The following COQ8A variants were observed in gnomAD, a reference collection of about 807,000 sequenced individuals.
The protein encoded by COQ8A is coenzyme Q8A.
A neutral mutation model predicts 65.0 loss-of-function variants in COQ8A; 51 were observed. That is an observed-to-expected ratio of 0.78 (90% CI 0.63 to 0.99). The LOEUF is 0.99. COQ8A is among the 50% of genes least tolerant of loss of function. The pLI is 0.00. For missense variants in COQ8A, 940 were observed against 875.0 expected, an observed-to-expected ratio of 1.07 and a Z score of -0.94; for synonymous variants, 371 against 353.2, an observed-to-expected ratio of 1.05 and a Z score of -0.57.
intron 6 of COQ8A, 67 bp from the exon 7 acceptor site, chr1:226,982,611 C>T: frequency 6.5e-7 from 1 of 1,530,400 alleles, no homozygotes; most frequent in Non-Finnish European, 9.0e-7. Context: ...CAGGAGTGTG[C>T]CCGCCCAGGT....
intron 1 of COQ8A, among the ~76,000 whole-genome samples, chr1:226,944,798 T>C (rs1656929880): frequency 7.0e-6 from 1 of 143,274 alleles, no homozygotes; most frequent in African/African-American, 2.6e-5. Flanking sequence ...AGAGTGTGTG[T>C]GTATGTGTAG....
At chr1:226,964,576 C>T (rs1259074156) in intron 2 of COQ8A, among the ~76,000 whole-genome samples, 3 of 152,216 alleles carry the variant, frequency 2.0e-5, no homozygotes, top group South Asian at 2.1e-4. Context: ...GTGGGCCCGT[C>T]GGTGTGCTTC....
chr1:226,977,818 A>AC (rs1230605335), intron 5 of COQ8A, among the ~76,000 whole-genome samples: 1 of 150,750 alleles, frequency 6.6e-6, no homozygotes, highest in Non-Finnish European at 1.5e-5. Flanking sequence ...CACCTTACAC[A>AC]CCCCCTGCAC....
chr1:226,960,784 A>G (rs1166573942), intron 1 of COQ8A, among the ~76,000 whole-genome samples: 1 of 151,964 alleles, frequency 6.6e-6, no homozygotes. Flanking sequence ...GCTGACCCTG[A>G]GGGGTCAGGG....
intron 1 of COQ8A, among the ~76,000 whole-genome samples, chr1:226,953,710 ACTGG>A (rs1657523573): frequency 2.6e-5 from 4 of 152,036 alleles, no homozygotes; most frequent in Admixed American, 2.6e-4. Flanking sequence ...GTCTTTGAAA[ACTGG>A]TAGCAGGTGA....
intron 5 of COQ8A, among the ~76,000 whole-genome samples, chr1:226,980,378 T>A (rs1659614458): frequency 1.3e-5 from 2 of 152,216 alleles, no homozygotes. Context: ...TCAGGAGTGC[T>A]GCTGCTAGCC....
intron 4 of COQ8A, among the ~76,000 whole-genome samples, chr1:226,967,718 GCCC>G (rs1449668888): frequency 6.6e-6 from 1 of 152,208 alleles, no homozygotes; most frequent in Non-Finnish European, 1.5e-5. Flanking sequence ...TGGAGTTGAA[GCCC>G]TAGTCTTGGG....
At chr1:226,965,602 C>G in intron 3 of COQ8A, 69 bp from the exon 4 acceptor site, 2 of 1,573,406 alleles carry the variant, frequency 1.3e-6, no homozygotes, top group Non-Finnish European at 1.7e-6. Flanking sequence ...GTGGGGGCAA[C>G]AGGAGCCTCT....
rs55958233 is a variant in COQ8A at position 226,983,007 on chromosome 1, C to T, written c.1053C>T (p.Gly351=). 0.016 allele frequency: 25,805 copies of T among 1,593,730 alleles called. 250 individuals are homozygous for T. Among genetic ancestry groups the T allele is most frequent in the Non-Finnish European group, 0.02 (23,154 of 1,171,106 alleles). ...IGQVHLARMK[G]GREVAMKIQY... ...AGGTGCACTTGGCCCGAATGAAGGG[C>T]GGCCGCGAGGTGGCCATGAAGATCC... Residue 351 remains glycine, a synonymous_variant, in exon 8 of 15, where the codon GGC becomes GGT. Coordinates refer to ENST00000366777, the MANE Select transcript of COQ8A (RefSeq NM_020247.5).
intron 2 of COQ8A, among the ~76,000 whole-genome samples, chr1:226,964,711 C>T (rs1003011729): frequency 2.6e-5 from 4 of 152,220 alleles, no homozygotes; most frequent in African/African-American, 7.2e-5. Context: ...GGTGAGGAAC[C>T]CGCTGCGGGC....
At chr1:226,950,290 C>T (rs1657298117) in intron 1 of COQ8A, among the ~76,000 whole-genome samples, 1 of 152,194 alleles carries the variant, frequency 6.6e-6, no homozygotes, top group Non-Finnish European at 1.5e-5. Context: ...TGCCCAGCTC[C>T]CAACCCAGTG....
chr1:226,960,297 CT>C (rs1658100550), intron 1 of COQ8A, among the ~76,000 whole-genome samples: 10 of 18,700 alleles, frequency 5.3e-4, no homozygotes, highest in African/African-American at 8.7e-4. Context: ...GGTGGTGGTA[CT>C]TGGTGGTGGT....
chr1:226,985,036 G>C, intron 13 of COQ8A, 95 bp downstream of exon 13: 1 of 1,495,818 alleles, frequency 6.7e-7, no homozygotes, highest in African/African-American at 1.4e-5. Context: ...CTGGGTTCCT[G>C]CCCTTGTGTC....
chr1:226,977,226 C>G (rs1659291915), intron 4 of COQ8A, among the ~76,000 whole-genome samples: 2 of 152,124 alleles, frequency 1.3e-5, no homozygotes, highest in Admixed American at 1.3e-4. Context: ...GTGGGGGATT[C>G]CTGAATCTTT....
intron 4 of COQ8A, among the ~76,000 whole-genome samples, chr1:226,966,021 G>A (rs1209509561): frequency 6.6e-6 from 1 of 152,240 alleles, no homozygotes; most frequent in Non-Finnish European, 1.5e-5. Context: ...GCCTGGAGGC[G>A]GTGTCTGCAG....
In COQ8A at chr1:226,965,738, G is replaced by A. The variant is rs1194024312; in HGVS notation, c.655+1G>A. The stretch of plus-strand genomic sequence containing the variant: ...ATTGGCCGGCTGGCCAACTTCGGAG[G>A]TAAGGTGGCTGTGTGCCCCTGGACT... On this transcript the variant is annotated splice_donor_variant, in intron 4 of 14. Coordinates refer to ENST00000366777, the MANE Select transcript of COQ8A (RefSeq NM_020247.5). LOFTEE classifies it high-confidence loss of function. 4 of 1,613,626 alleles carry A rather than the reference G, an allele frequency of 2.5e-6. No homozygotes were observed. In the East Asian group the frequency reaches 8.9e-5, roughly 36 times the overall value.
Position 226,986,608 on chromosome 1 carries a change from A to G in COQ8A, c.1815A>G (p.Glu605=). The G allele has an allele frequency of 6.2e-7, 1 of 1,613,466 alleles. No individual in the cohort carries two copies. Among genetic ancestry groups the G allele is most frequent in the Non-Finnish European group, 8.5e-7 (1 of 1,179,946 alleles). Residue 605 remains glutamate, a synonymous_variant, in exon 15 of 15, where the codon GAA becomes GAG. Coordinates refer to ENST00000366777, the MANE Select transcript of COQ8A (RefSeq NM_020247.5). The part of the protein sequence containing the change: ...LRHRLVPPPE[E]TYSLHRKMGG... The stretch of plus-strand genomic sequence containing the variant: ...ACCGTCTCGTCCCCCCACCCGAGGA[A>G]ACCTACTCCCTGCACAGGAAGATGG...
At chr1:226,956,213 C>T in intron 1 of COQ8A, among the ~76,000 whole-genome samples, 1 of 124,260 alleles carries the variant, frequency 8.0e-6, no homozygotes, top group South Asian at 2.9e-4. Context: ...CTGCCACTCT[C>T]CCTGGCTGCC....
In COQ8A at chr1:226,983,571, G is replaced by A. The variant is rs1242101084; in HGVS notation, c.1100G>A (p.Ser367Asn). ...CCACAGTACCCTGGCGTGGCCCAGA[G>A]CATCAACAGTGATGTCAACAACCTC... The part of the protein sequence containing the change: ...MKIQYPGVAQ[S>N]INSDVNNLMA... Residue 367 changes from serine to asparagine, a missense_variant, in exon 9 of 15, where the codon AGC (serine) becomes AAC (asparagine). By Grantham distance (46) the Ser-to-Asn change is conservative. Transcript: ENST00000366777. The A allele has an allele frequency of 4.3e-6, 7 of 1,613,826 alleles. No individual in the cohort carries two copies. The highest frequency in any genetic ancestry group is 8.5e-7 in the Non-Finnish European group (1 of 1,180,016).
Sources: gnomAD v4.1 joint callset for allele counts (sites outside exome capture counted in the v4.1 genomes callset) on GRCh38, gnomAD v4.1.1 for gene constraint, MANE v1.5 for transcripts, NCBI Gene and HGNC (gene_info 2026-07-23, HGNC 2026-07-21) for gene names.